Variants in PTPN13 observed in about 807,000 individuals in gnomAD.
PTPN13 encodes tyrosine-protein phosphatase non-receptor type 13.
A neutral mutation model predicts 284.0 loss-of-function variants in PTPN13; 191 were observed. That is an observed-to-expected ratio of 0.67 (90% CI 0.60 to 0.76). PTPN13 has a LOEUF of 0.76. PTPN13 is among the 30% of genes least tolerant of loss of function. PTPN13 has a pLI of 0.00. For synonymous variants in PTPN13, 986 were observed against 1,022.3 expected (o/e 0.96, Z 0.68); for missense variants, 2,797 against 2,939.9 (o/e 0.95, Z 1.12).
chr4:86,666,818 C>A (rs539666605), intron 2 of PTPN13, among the ~76,000 whole-genome samples: 27 of 152,250 alleles, frequency 1.8e-4, no homozygotes, highest in African/African-American at 5.3e-4. Flanking sequence ...TGCAAATGGA[C>A]TTTCCACTTG....
intron 35 of PTPN13, 96 bp downstream of exon 35, chr4:86,775,748 GTAA>G: frequency 1.0e-6 from 1 of 989,902 alleles, no homozygotes; most frequent in Non-Finnish European, 1.5e-6. Flanking sequence ...TACTGAATTA[GTAA>G]TTCATAGACT....
chr4:86,614,608 A>G (rs1429259751), intron 1 of PTPN13, among the ~76,000 whole-genome samples: 1 of 152,132 alleles, frequency 6.6e-6, no homozygotes, highest in African/African-American at 2.4e-5. Flanking sequence ...ATTTATAGTG[A>G]AACAAAAAAC....
chr4:86,737,191 T>C (rs1030461681), intron 15 of PTPN13, among the ~76,000 whole-genome samples: 1 of 151,744 alleles, frequency 6.6e-6, no homozygotes, highest in African/African-American at 2.4e-5. Flanking sequence ...TAAGCTTTGA[T>C]CTTGTCACTG....
intron 19 of PTPN13, among the ~76,000 whole-genome samples, 177 bp downstream of exon 19, chr4:86,751,301 A>G (rs1406890388): frequency 6.6e-6 from 1 of 152,160 alleles, no homozygotes; most frequent in East Asian, 1.9e-4. Flanking sequence ...TTAACAAGTG[A>G]TTGCTTCATG....
chr4:86,618,502 A>G (rs1223883459), intron 1 of PTPN13, among the ~76,000 whole-genome samples: 2 of 152,174 alleles, frequency 1.3e-5, no homozygotes, highest in African/African-American at 4.8e-5. Context: ...CATTGAATCT[A>G]TAAATTACCT....
chr4:86,694,527 G>A (rs1460782919), intron 6 of PTPN13, among the ~76,000 whole-genome samples: 6 of 132,026 alleles, frequency 4.5e-5, no homozygotes, highest in Admixed American at 8.6e-5. Context: ...GCAGTTAGCC[G>A]AGATCACACC....
chr4:86,652,354 G>C lies in PTPN13; in HGVS notation c.115+16983G>C, dbSNP rs78254802. ...ATTTTTTATGTACTTATTATCACTA[G>C]TGAATTTTATTCTGTCAGATGATTT... On this transcript the variant is annotated intron_variant, in intron 2 of 47. Transcript: ENST00000411767. 4.1e-3 allele frequency among the ~76,000 whole-genome samples: 618 copies of C among 152,198 alleles called. 5 individuals carry two copies. Among genetic ancestry groups the C allele is most frequent in the African/African-American group, 0.014 (584 of 41,544 alleles).
chr4:86,734,504 T>G, intron 13 of PTPN13, 48 bp downstream of exon 13: 1 of 1,446,588 alleles, frequency 6.9e-7, no homozygotes, highest in Non-Finnish European at 9.2e-7. Flanking sequence ...CACTGGTCTT[T>G]TGACCCTTTA....
intron 1 of PTPN13, among the ~76,000 whole-genome samples, chr4:86,623,424 A>G (rs1056329404): frequency 6.6e-6 from 1 of 152,164 alleles, no homozygotes; most frequent in African/African-American, 2.4e-5. Flanking sequence ...ATGCTTTACC[A>G]GGTTTCTAGA....
At chr4:86,637,232 C>T (rs1330108671) in intron 2 of PTPN13, among the ~76,000 whole-genome samples, 3 of 151,756 alleles carry the variant, frequency 2.0e-5, no homozygotes, top group Non-Finnish European at 4.4e-5. Flanking sequence ...GGATTCACAG[C>T]CGAATTCTAC....
chr4:86,602,128 T>C (rs1226198485), intron 1 of PTPN13, among the ~76,000 whole-genome samples: 1 of 152,200 alleles, frequency 6.6e-6, no homozygotes, highest in East Asian at 1.9e-4. Flanking sequence ...TGAATATATA[T>C]ACAGGTGATT....
chr4:86,812,558 G>A (rs1362014679), intron 47 of PTPN13, among the ~76,000 whole-genome samples: 1 of 152,132 alleles, frequency 6.6e-6, no homozygotes, highest in Non-Finnish European at 1.5e-5. Flanking sequence ...TTTTAAACAG[G>A]GCGGCACCAT....
chr4:86,796,753 T>A, intron 40 of PTPN13, 121 bp from the exon 41 acceptor site: 1 of 656,398 alleles, frequency 1.5e-6, no homozygotes, highest in Non-Finnish European at 2.6e-6. Flanking sequence ...GTCATATGTG[T>A]CTTTGTAATA....
At chr4:86,712,095 C>T (rs1732483787) in intron 7 of PTPN13, among the ~76,000 whole-genome samples, 1 of 151,804 alleles carries the variant, frequency 6.6e-6, no homozygotes, top group Non-Finnish European at 1.5e-5. Flanking sequence ...TTGAAGTTTC[C>T]ATAATAAACA....
intron 1 of PTPN13, among the ~76,000 whole-genome samples, chr4:86,627,520 C>G (rs1378659911): frequency 6.8e-6 from 1 of 145,994 alleles, no homozygotes; most frequent in African/African-American, 2.5e-5. Context: ...TTTTTTTTTT[C>G]TTTTTAACAG....
chr4:86,754,239 A>G (rs1737727815), intron 20 of PTPN13, among the ~76,000 whole-genome samples: 3 of 152,074 alleles, frequency 2.0e-5, no homozygotes, highest in Non-Finnish European at 4.4e-5. Flanking sequence ...CATTAAAGAA[A>G]AAATTATTGA....
chr4:86,809,364 C>T (rs1470049399), intron 45 of PTPN13, among the ~76,000 whole-genome samples: 5 of 152,070 alleles, frequency 3.3e-5, no homozygotes, highest in Non-Finnish European at 7.4e-5. Flanking sequence ...TGATCTGATC[C>T]TATAGACAAG....
intron 41 of PTPN13, 79 bp downstream of exon 41, chr4:86,797,008 G>A: frequency 1.0e-6 from 1 of 990,818 alleles, no homozygotes; most frequent in Non-Finnish European, 1.5e-6. Flanking sequence ...TTGTTTTCCA[G>A]TATAAAATAA....
chr4:86,691,312 C>G (rs1730002073), intron 5 of PTPN13, among the ~76,000 whole-genome samples: 1 of 151,908 alleles, frequency 6.6e-6, no homozygotes, highest in African/African-American at 2.4e-5. Context: ...GGAAGTGAAC[C>G]TGGATAAAGG....
Sources: allele counts gnomAD v4.1 joint callset (sites outside exome capture counted in the v4.1 genomes callset), GRCh38; gene constraint gnomAD v4.1.1; transcripts MANE v1.5; gene names NCBI Gene and HGNC (gene_info 2026-07-23, HGNC 2026-07-21).